The following LMF1 variants were observed in gnomAD, a reference collection of about 807,000 sequenced individuals.
LMF1 encodes the protein transmembrane protein 112.
In LMF1, 68 loss-of-function variants were observed where a neutral mutation model predicts 60.6. The observed-to-expected ratio is 1.12, with a 90% CI of 0.92 to 1.37. LMF1 has a LOEUF of 1.37. Ranked by LOEUF, LMF1 falls within the 40% of genes most tolerant of loss-of-function variation. LMF1 has a pLI of 0.00. For missense variants in LMF1, 948 were observed against 767.2 expected (o/e 1.24, Z -2.78); for synonymous variants, 418 against 324.7 (o/e 1.29, Z -3.09).
chr16:910,605 G>A (rs901754759), intron 4 of LMF1, among the ~76,000 whole-genome samples: 2 of 148,312 alleles, frequency 1.3e-5, no homozygotes, highest in Non-Finnish European at 3.0e-5. Context: ...AGCAAAGGAG[G>A]GCTGGTGGGG....
intron 3 of LMF1, among the ~76,000 whole-genome samples, chr16:912,700 C>T (rs972882232): frequency 3.9e-5 from 6 of 152,216 alleles, no homozygotes; most frequent in Admixed American, 6.5e-5. Context: ...ATCTTCCCCA[C>T]GGAAGCCAGA....
chr16:937,259 T>G (rs1323142314), intron 2 of LMF1, among the ~76,000 whole-genome samples: 1 of 152,228 alleles, frequency 6.6e-6, no homozygotes, highest in Non-Finnish European at 1.5e-5. Flanking sequence ...TTTATTACAT[T>G]TTCAACAGTT....
intron 3 of LMF1, among the ~76,000 whole-genome samples, chr16:921,658 G>A (rs2071435012): frequency 6.6e-6 from 1 of 152,152 alleles, no homozygotes; most frequent in Admixed American, 6.5e-5. Context: ...AAGACGCAGT[G>A]TGCGGTGAGT....
rs79406502 is a variant in LMF1 at position 874,610 on chromosome 16, C to T, written c.898-3269G>A. ...CCCTCCGGAACAGCTGTGTAAACTG[C>T]GTGGGAGGAGGGAGGCTGCTCATGC... On this transcript the variant is annotated intron_variant, in intron 6 of 10. Coordinates refer to ENST00000262301, the MANE Select transcript of LMF1 (RefSeq NM_022773.4). The surrounding 1 kb of genome is among the most constrained non-coding windows in gnomAD (Gnocchi z 4.1). Among the ~76,000 whole-genome samples, 889 of 152,216 alleles carry T rather than the reference C, an allele frequency of 5.8e-3. 57 individuals are homozygous for T. In the East Asian group the frequency reaches 0.15, roughly 25 times the overall value.
At chr16:941,436 T>C (rs1232745636) in intron 2 of LMF1, among the ~76,000 whole-genome samples, 1 of 152,178 alleles carries the variant, frequency 6.6e-6, no homozygotes, top group African/African-American at 2.4e-5. Context: ...GCCAGGCTGG[T>C]CTTGAACTCC....
intron 1 of LMF1, among the ~76,000 whole-genome samples, chr16:965,739 G>A (rs2072910093): frequency 6.6e-6 from 1 of 152,216 alleles, no homozygotes; most frequent in South Asian, 2.1e-4. Flanking sequence ...AGGGAGGGCT[G>A]TGGCAGTATC....
intron 5 of LMF1, chr16:883,957 TTATC>T (rs1489929655): frequency 1.1e-4 from 17 of 152,204 alleles, no homozygotes; most frequent in Admixed American, 7.9e-4. Context: ...TCTACCTGCT[TTATC>T]TATTATTGAA....
intron 2 of LMF1, among the ~76,000 whole-genome samples, chr16:948,283 CAG>C (rs1375348843): frequency 6.7e-6 from 1 of 148,524 alleles, no homozygotes; most frequent in African/African-American, 2.5e-5. Flanking sequence ...CAGCCAACGA[CAG>C]AGTCAGAGCC....
chr16:854,447 G>T lies in LMF1; in HGVS notation c.*85C>A. 1 of 1,356,812 alleles carries T rather than the reference G, an allele frequency of 7.4e-7. No individual in the cohort carries two copies. The highest frequency in any genetic ancestry group is 1.0e-6 in the Non-Finnish European group (1 of 985,346). 84.0% of individuals were successfully genotyped at this position (1,356,812 alleles called of 1,614,324 possible). Reference sequence around the variant, plus strand: ...TCCTCTCCACGTCTCTCTTGGCGATGCCCAGCTTGGGCTGGGCGCAGGGAA... The same window carrying T: ...TCCTCTCCACGTCTCTCTTGGCGATTCCCAGCTTGGGCTGGGCGCAGGGAA... On this transcript the variant is annotated 3_prime_UTR_variant, in exon 11 of 11. Coordinates refer to ENST00000262301, the MANE Select transcript of LMF1 (RefSeq NM_022773.4).
chr16:855,974 T>C (rs774148050), intron 10 of LMF1: 3 of 455,908 alleles, frequency 6.6e-6, no homozygotes, highest in African/African-American at 2.0e-5. Context: ...TGGATGATGA[T>C]TCTTCTCTCC....
At chr16:894,697 G>A (rs1037675199) in intron 4 of LMF1, among the ~76,000 whole-genome samples, 5 of 152,210 alleles carry the variant, frequency 3.3e-5, no homozygotes, top group African/African-American at 1.2e-4. Flanking sequence ...AGCCGCACTG[G>A]GCTGCAGGTA....
chr16:917,148 C>T (rs1163129871), intron 3 of LMF1, among the ~76,000 whole-genome samples: 3 of 152,208 alleles, frequency 2.0e-5, no homozygotes, highest in African/African-American at 7.2e-5. Flanking sequence ...GGAACCAGGC[C>T]CAAAGCCACT....
At chr16:941,878 T>G (rs535796958) in intron 2 of LMF1, among the ~76,000 whole-genome samples, 2 of 152,368 alleles carry the variant, frequency 1.3e-5, no homozygotes, top group Admixed American at 6.5e-5. Context: ...TTTGTGCTAA[T>G]GTTGTGTATA....
intron 10 of LMF1, among the ~76,000 whole-genome samples, chr16:858,958 G>GTGTGCAGTGGTGTCACGGGACGC (rs2069318209): frequency 2.7e-5 from 1 of 37,348 alleles, no homozygotes; most frequent in African/African-American, 1.8e-4. Flanking sequence ...TCACGGGACG[G>GTGTGCAGTGGTGTCACGGGACGC]GTGTGCAGTG....
rs1474059505 is a variant in LMF1 at position 854,012 on chromosome 16, T to G, written c.*520A>C. 4.4e-6 allele frequency: 2 copies of G among 454,198 alleles called. No individual in the cohort carries two copies. Among genetic ancestry groups the G allele is most frequent in the Admixed American group, 4.7e-5 (2 of 42,576 alleles). The allele number at this position is 454,198 out of a possible 1,614,324, so 28.1% of individuals were successfully genotyped here. A position where few individuals can be genotyped will look rare whatever the true frequency, so the allele number is the denominator to read the frequency against. ...AAATGGCCCATCCAACCCCACATCC[T>G]GGCCGGGCGTGTCCAGGTCCCTGTG... On this transcript the variant is annotated 3_prime_UTR_variant, in exon 11 of 11. Coordinates refer to ENST00000262301, the MANE Select transcript of LMF1 (RefSeq NM_022773.4).
At chr16:936,257 C>T (rs2071941018) in intron 2 of LMF1, among the ~76,000 whole-genome samples, 2 of 134,078 alleles carry the variant, frequency 1.5e-5, no homozygotes, top group Non-Finnish European at 3.1e-5. Context: ...GGAGAGAGGG[C>T]ACCCCGTGGG....
chr16:867,361 G>A lies in LMF1; in HGVS notation c.1529+1583C>T, dbSNP rs146968929. The stretch of plus-strand genomic sequence containing the variant: ...GATGATCCGACTGTGTGCTTGGCCA[G>A]AAGAGGCTTCCGTCACGACCTGACG... On this transcript the variant is annotated intron_variant, in intron 10 of 10. Coordinates refer to ENST00000262301, the MANE Select transcript of LMF1 (RefSeq NM_022773.4). 6.1e-3 allele frequency among the ~76,000 whole-genome samples: 931 copies of A among 152,320 alleles called. 7 individuals carry two copies. The highest frequency in any genetic ancestry group is 0.011 in the Non-Finnish European group (715 of 68,018).
intron 10 of LMF1, among the ~76,000 whole-genome samples, chr16:864,161 G>C (rs1302291413): frequency 2.6e-5 from 4 of 152,208 alleles, no homozygotes; most frequent in Admixed American, 2.0e-4. Flanking sequence ...CATCTGTTTG[G>C]CAGGTTGATT....
At chr16:981,077 C>T (rs1179445603) in intron 1 of LMF1, 4 of 283,918 alleles carry the variant, frequency 1.4e-5, no homozygotes, top group Admixed American at 9.2e-5. Context: ...TCTCCACGCT[C>T]GCACTCGTAT....
Sources: allele counts gnomAD v4.1 joint callset (sites outside exome capture counted in the v4.1 genomes callset), GRCh38; gene constraint gnomAD v4.1.1; non-coding constraint Gnocchi (gnomAD v3.1); transcripts MANE v1.5; gene names NCBI Gene and HGNC (gene_info 2026-07-23, HGNC 2026-07-21).